Variants in PELP1 observed in about 807,000 individuals in gnomAD.
PELP1 encodes the protein proline, glutamate and leucine rich protein 1.
Under a neutral mutation model 95.5 loss-of-function variants are expected in PELP1, and 32 were observed. The ratio of observed to expected loss-of-function variants is 0.34; its 90% CI spans 0.25 to 0.45. The LOEUF (loss-of-function observed/expected upper bound fraction) is 0.45. Ranked by LOEUF, PELP1 falls within the 20% of genes least tolerant of loss-of-function variation. The pLI is 1.00. For synonymous variants in PELP1, 668 were observed against 600.1 expected (o/e 1.11, Z -1.65); for missense variants, 1,358 against 1,444.8 (o/e 0.94, Z 0.97).
chr17:4,681,060 G>T (rs1043564244), intron 5 of PELP1, among the ~76,000 whole-genome samples: 1 of 152,192 alleles, frequency 6.6e-6, no homozygotes, highest in African/African-American at 2.4e-5. Context: ...TGACAACTGG[G>T]AGGAAGGGGT....
At chr17:4,690,062 G>GGT (rs777964639) in intron 3 of PELP1, among the ~76,000 whole-genome samples, 1 of 151,872 alleles carries the variant, frequency 6.6e-6, no homozygotes, top group Non-Finnish European at 1.5e-5. Context: ...GAGAAAATGT[G>GGT]GTGTATATAT....
rs189343463 is a variant in PELP1 at position 4,676,686 on chromosome 17, G to A, written c.702+67C>T. ...ATGAAGGCAGGACAGAAAAGCTAGA[G>A]GAGGAGCAGCAAGAGACAATCCAGG... is the stretch of plus-strand genomic sequence containing the variant. On this transcript the variant is annotated intron_variant, in intron 6 of 16. Transcript: ENST00000572293. 6 of 1,434,276 alleles carry A rather than the reference G, an allele frequency of 4.2e-6. No individual in the cohort carries two copies. In the Admixed American group the frequency reaches 1.0e-4, roughly 24 times the overall value. 88.8% of individuals were successfully genotyped at this position (1,434,276 alleles called of 1,614,324 possible). A position where few individuals can be genotyped will look rare whatever the true frequency, so the allele number is the denominator to read the frequency against.
intron 3 of PELP1, 36 bp downstream of exon 3, chr17:4,690,852 G>C (rs927137036): frequency 7.8e-7 from 1 of 1,274,730 alleles, no homozygotes; most frequent in Non-Finnish European, 1.1e-6. Flanking sequence ...TAAGATGGGG[G>C]AGGAGGAGGA....
At position 4,674,896 on chromosome 17, in the gene PELP1, C is replaced by T. The variant is rs368343383; in HGVS notation, c.1335G>A (p.Ser445=). 25 of 1,613,734 alleles carry T rather than the reference C, an allele frequency of 1.5e-5. No individual in the cohort carries two copies. Among genetic ancestry groups the T allele is most frequent in the Admixed American group, 6.7e-5 (4 of 60,008 alleles). ...LELWVQVCGA[S]AGMLQGGASG... ...AGGCTCCTCCCTGAAGCATTCCCGC[C>T]GAGGCCCCACAAACCTGCACCCACA... The change falls in exon 12 of 17, where the codon TCG becomes TCA. Residue 445 remains serine, a synonymous_variant. Transcript: ENST00000572293.
intron 13 of PELP1, among the ~76,000 whole-genome samples, chr17:4,674,271 G>A (rs556122454): frequency 1.4e-4 from 21 of 152,382 alleles, no homozygotes; most frequent in African/African-American, 4.6e-4. Flanking sequence ...GCAACAGGGC[G>A]GCTGCTTGGG....
At chr17:4,681,893 G>A (rs1409293429) in intron 5 of PELP1, among the ~76,000 whole-genome samples, 3 of 152,162 alleles carry the variant, frequency 2.0e-5, no homozygotes, top group African/African-American at 4.8e-5. Flanking sequence ...GCCAGGCACA[G>A]TGGCTCACAC....
rs1168503291 is a variant in PELP1, at chr17:4,698,620, C to A, written c.249+5243G>T. On this transcript the variant is annotated intron_variant, in intron 1 of 16. Transcript: ENST00000572293. ...TCATGCCACGGCACTCCAGCCTAGG[C>A]AACAGACTGAGATTGTCTCAAAAAA... 1.2e-4 allele frequency among the ~76,000 whole-genome samples: 15 copies of A among 123,864 alleles called. No homozygotes were observed. The South Asian group carries it at 1.3e-3, about 11-fold the overall frequency. 81.3% of individuals were successfully genotyped at this position (123,864 alleles called of 152,430 possible). A position where few individuals can be genotyped will look rare whatever the true frequency, so the allele number is the denominator to read the frequency against.
intron 5 of PELP1, among the ~76,000 whole-genome samples, chr17:4,681,190 ATAAAG>A (rs1461196903): frequency 6.6e-6 from 1 of 152,202 alleles, no homozygotes; most frequent in Non-Finnish European, 1.5e-5. Context: ...ACCTTCAAGA[ATAAAG>A]TAAAGGCTGG....
chr17:4,675,781 G>A lies in PELP1; in HGVS notation c.1068+16C>T. ...TCCTGAGCAAGGGCTCTGAAGAGAT[G>A]ACAAATCCCACTTACAATATTCTTG... On this transcript the variant is annotated intron_variant, in intron 9 of 16. Coordinates refer to ENST00000572293, the MANE Select transcript of PELP1 (RefSeq NM_014389.3). This position sits in a 1 kb window ranked among gnomAD's most constrained non-coding sequence, Gnocchi z 4.3. 1 of 1,541,256 alleles carries A rather than the reference G, an allele frequency of 6.5e-7. No homozygotes were observed. Among genetic ancestry groups the A allele is most frequent in the Non-Finnish European group, 8.8e-7 (1 of 1,134,184 alleles).
chr17:4,702,726 G>C (rs767932601), intron 1 of PELP1, among the ~76,000 whole-genome samples: 2 of 152,302 alleles, frequency 1.3e-5, no homozygotes, highest in South Asian at 2.1e-4. Context: ...CATAGAGCTA[G>C]GAAGGTCCCA....
intron 3 of PELP1, among the ~76,000 whole-genome samples, chr17:4,683,531 CTTT>C (rs59870828): frequency 0.085 from 8,198 of 96,534 alleles, 470 homozygotes; most frequent in Middle Eastern, 0.32. Flanking sequence ...GTTTTCTTTT[CTTT>C]TTTTTTTTTT....
intron 1 of PELP1, among the ~76,000 whole-genome samples, chr17:4,695,559 G>A (rs1037019340): frequency 2.0e-5 from 3 of 150,654 alleles, no homozygotes; most frequent in Non-Finnish European, 4.4e-5. Context: ...CCAGCTACTC[G>A]GGAGGCTGAG....
Position 4,671,289 on chromosome 17 carries a change from G to A in PELP1, c.*150C>T. On this transcript the variant is annotated 3_prime_UTR_variant, in exon 17 of 17. Coordinates refer to ENST00000572293, the MANE Select transcript of PELP1 (RefSeq NM_014389.3). The stretch of plus-strand genomic sequence containing the variant: ...TCGTCAAAAAGAGGACAGCTATGGA[G>A]ACATCTGGGGAATACTATGGACACC... 1.6e-6 allele frequency: 1 copy of A among 627,674 alleles called. No individual in the cohort carries two copies. Among genetic ancestry groups the A allele is most frequent in the South Asian group, 1.9e-5 (1 of 53,222 alleles). 38.9% of individuals were successfully genotyped at this position (627,674 alleles called of 1,614,324 possible).
rs1489106862 is a variant in PELP1, at chr17:4,676,760, A to C, written c.695T>G (p.Leu232Arg). 5 of 1,568,256 alleles carry C rather than the reference A, an allele frequency of 3.2e-6. No individual in the cohort carries two copies. Among genetic ancestry groups the C allele is most frequent in the African/African-American group, 1.4e-5 (1 of 73,528 alleles). Residue 232 changes from leucine (L) to arginine (R), a missense_variant, in exon 6 of 17, where the codon CTC (leucine) becomes CGC (arginine). Leu to Arg is a moderately radical substitution (Grantham distance 102). Coordinates refer to ENST00000572293, the MANE Select transcript of PELP1 (RefSeq NM_014389.3). ...TCCCTCCCTGCCCTTTACCTGTTGG[A>C]GCTGAGGGCTCAAGGCATCCACCCT... ...LSRVDALSPQ[L>R]QQLACECYSR...
chr17:4,672,598 A>T lies in PELP1; in HGVS notation c.2393T>A (p.Leu798Gln). ...VVIVPEGLPP[L>Q]PPPPPSGATP... ...GGCACCTGAGGGTGGTGGGGGTGGC[A>T]GGGGGGGAAGCCCCTCGGGCACGAT... The change falls in exon 16 of 17, where the codon CTG (leucine) becomes CAG (glutamine). Residue 798 changes from leucine (L) to glutamine (Q), a missense_variant. By Grantham distance (113) the Leu-to-Gln change is moderately radical. Transcript: ENST00000572293. The T allele has an allele frequency of 3.6e-6, 1 of 276,856 alleles. No individual in the cohort carries two copies. Among genetic ancestry groups the T allele is most frequent in the Non-Finnish European group, 5.4e-6 (1 of 184,456 alleles). 17.1% of individuals were successfully genotyped at this position (276,856 alleles called of 1,614,324 possible).
intron 1 of PELP1, among the ~76,000 whole-genome samples, chr17:4,701,325 G>GGA (rs1555555264): frequency 1.4e-5 from 1 of 70,650 alleles, no homozygotes; most frequent in East Asian, 2.9e-4. Context: ...GATGAGAGTT[G>GGA]GGGGGGTGGG....
chr17:4,683,112 C>G, intron 3 of PELP1, 160 bp from the exon 4 acceptor site: 2 of 1,288,996 alleles, frequency 1.6e-6, no homozygotes, highest in Non-Finnish European at 2.0e-6. Flanking sequence ...GACACGGATA[C>G]TGTGTTTACA....
At chr17:4,679,746 A>C (rs1419224598) in intron 5 of PELP1, among the ~76,000 whole-genome samples, 2 of 152,214 alleles carry the variant, frequency 1.3e-5, no homozygotes, top group Non-Finnish European at 2.9e-5. Flanking sequence ...GAGTCACTCC[A>C]AATACCTTCT....
In PELP1 at chr17:4,675,866, G is replaced by C. The variant is rs367708266; in HGVS notation, c.999C>G (p.Pro333=). 6.3e-7 allele frequency: 1 copy of C among 1,591,962 alleles called. No homozygotes were observed. Among genetic ancestry groups the C allele is most frequent in the South Asian group, 1.1e-5 (1 of 87,968 alleles). ...GLMLSSEFGA[P]VSVPVQEILD... is the part of the protein sequence containing the mutation. ...GGATTTCCTGCACAGGGACGGACACGGGAGCTCCAAACTCAGAGCTAAAGA... is the reference window on the plus strand; with the variant it reads ...GGATTTCCTGCACAGGGACGGACACCGGAGCTCCAAACTCAGAGCTAAAGA... The change falls in exon 9 of 17, where the codon CCC becomes CCG. Residue 333 remains proline, a synonymous_variant. Transcript: ENST00000572293. This position sits in a 1 kb window ranked among gnomAD's most constrained non-coding sequence, Gnocchi z 4.3.
Sources: allele counts gnomAD v4.1 joint callset (sites outside exome capture counted in the v4.1 genomes callset), GRCh38; gene constraint gnomAD v4.1.1; non-coding constraint Gnocchi (gnomAD v3.1); transcripts MANE v1.5; gene names NCBI Gene and HGNC (gene_info 2026-07-23, HGNC 2026-07-21).